NIPAL2: variants seen among roughly 807,000 people sequenced by gnomAD.
NIPAL2 encodes the protein NIPA-like protein 2.
Under a neutral mutation model 48.9 loss-of-function variants are expected in NIPAL2, and 43 were observed. The ratio of observed to expected loss-of-function variants is 0.88; its 90% CI spans 0.69 to 1.13. The LOEUF is 1.13. NIPAL2 is among the 50% of genes most tolerant of loss of function. The pLI is 0.00. For missense variants in NIPAL2, 446 were observed against 461.4 expected, an observed-to-expected ratio of 0.97 and a Z score of 0.31; for synonymous variants, 167 against 174.6, an observed-to-expected ratio of 0.96 and a Z score of 0.34.
At chr8:98,258,302 TATG>T (rs1331743987) in intron 1 of NIPAL2, among the ~76,000 whole-genome samples, 2 of 152,300 alleles carry the variant, frequency 1.3e-5, no homozygotes, top group African/African-American at 4.8e-5. Flanking sequence ...TGGAGGTGGA[TATG>T]ATGACAGCTG....
intron 9 of NIPAL2, chr8:98,195,542 C>G (rs1227590907): frequency 6.2e-6 from 1 of 161,130 alleles, no homozygotes; most frequent in Non-Finnish European, 1.3e-5. Context: ...ATGACTAAAG[C>G]AAGGGATCTG....
chr8:98,283,899 C>T (rs1020156942), intron 1 of NIPAL2, among the ~76,000 whole-genome samples: 5 of 152,206 alleles, frequency 3.3e-5, no homozygotes, highest in African/African-American at 1.2e-4. Flanking sequence ...ACTCACTGAT[C>T]TCTGCCAGAG....
At chr8:98,252,850 C>A (rs951186651) in intron 2 of NIPAL2, among the ~76,000 whole-genome samples, 1 of 151,988 alleles carries the variant, frequency 6.6e-6, no homozygotes, top group East Asian at 1.9e-4. Context: ...AGTTACCCCC[C>A]GATCCACGGA....
At chr8:98,281,589 T>A (rs1815833126) in intron 1 of NIPAL2, among the ~76,000 whole-genome samples, 3 of 152,156 alleles carry the variant, frequency 2.0e-5, no homozygotes. Flanking sequence ...TATCAAGATA[T>A]CTCATGTACC....
intron 3 of NIPAL2, 84 bp downstream of exon 3, chr8:98,252,379 G>T: frequency 7.7e-7 from 1 of 1,299,498 alleles, no homozygotes; most frequent in Non-Finnish European, 1.0e-6. Flanking sequence ...TTCTTCTTTG[G>T]TGCATTTGTT....
intron 8 of NIPAL2, among the ~76,000 whole-genome samples, chr8:98,198,701 C>T (rs376090195): frequency 1.3e-5 from 2 of 152,236 alleles, no homozygotes; most frequent in Non-Finnish European, 2.9e-5. Flanking sequence ...ACCTCATCAA[C>T]CAACCTCTGA....
chr8:98,277,078 C>T (rs1212161331), intron 1 of NIPAL2, among the ~76,000 whole-genome samples: 1 of 152,134 alleles, frequency 6.6e-6, no homozygotes, highest in Admixed American at 6.5e-5. Context: ...CCCATGTTTA[C>T]CCATTTCTTG....
chr8:98,205,065 G>C, intron 7 of NIPAL2, 46 bp downstream of exon 7: 1 of 1,595,520 alleles, frequency 6.3e-7, no homozygotes, highest in South Asian at 1.1e-5. Flanking sequence ...GCCCAGAGAA[G>C]CACCGGAATG....
chr8:98,221,469 A>G (rs1398203085), intron 5 of NIPAL2, among the ~76,000 whole-genome samples: 1 of 152,038 alleles, frequency 6.6e-6, no homozygotes, highest in Non-Finnish European at 1.5e-5. Context: ...TAAATATTTT[A>G]TATTGGTTGA....
chr8:98,203,861 T>C (rs1810912090), intron 7 of NIPAL2, among the ~76,000 whole-genome samples: 1 of 151,872 alleles, frequency 6.6e-6, no homozygotes, highest in South Asian at 2.1e-4. Flanking sequence ...TGTGTGTGTG[T>C]GTGTGTGTGT....
chr8:98,287,669 G>C (rs1446581505), intron 1 of NIPAL2, among the ~76,000 whole-genome samples: 2 of 152,102 alleles, frequency 1.3e-5, no homozygotes, highest in African/African-American at 4.8e-5. Flanking sequence ...CTAACTATTT[G>C]ACATGCATTA....
At chr8:98,285,469 T>C (rs891160359) in intron 1 of NIPAL2, among the ~76,000 whole-genome samples, 1 of 152,126 alleles carries the variant, frequency 6.6e-6, no homozygotes, top group Non-Finnish European at 1.5e-5. Flanking sequence ...GTTTTTTCAC[T>C]AGTGGTTGAG....
intron 1 of NIPAL2, among the ~76,000 whole-genome samples, chr8:98,277,158 C>T (rs1815519170): frequency 6.6e-6 from 1 of 152,204 alleles, no homozygotes; most frequent in Non-Finnish European, 1.5e-5. Flanking sequence ...TGTTCAGCCT[C>T]TTAAAGTGTA....
At chr8:98,220,070 A>G (rs951638634) in intron 5 of NIPAL2, among the ~76,000 whole-genome samples, 2 of 152,124 alleles carry the variant, frequency 1.3e-5, no homozygotes, top group Non-Finnish European at 2.9e-5. Context: ...GAGAAACCTA[A>G]GTATCTTTGT....
intron 1 of NIPAL2, among the ~76,000 whole-genome samples, chr8:98,274,595 T>C (rs1255145240): frequency 2.0e-5 from 3 of 152,030 alleles, no homozygotes; most frequent in Non-Finnish European, 4.4e-5. Flanking sequence ...TTATCTGATA[T>C]TAATATAATA....
In NIPAL2 at chr8:98,284,021, C is replaced by A. The variant is rs1284920772; in HGVS notation, c.135+9982G>T. On this transcript the variant is annotated intron_variant, in intron 1 of 10. Transcript: ENST00000430223. ...CATTGTGACTTGGGCTCTTCACAACCTCTAAAGGGCCAATCCTCACAGCCA... is the reference window on the plus strand; with the variant it reads ...CATTGTGACTTGGGCTCTTCACAACATCTAAAGGGCCAATCCTCACAGCCA... Among the ~76,000 whole-genome samples, 22 of 152,164 alleles carry A rather than the reference C, an allele frequency of 1.4e-4. 1 individual carries two copies. Among genetic ancestry groups the A allele is most frequent in the Non-Finnish European group, 8.8e-5 (6 of 68,030 alleles).
chr8:98,292,978 C>CT (rs536435092), intron 1 of NIPAL2, among the ~76,000 whole-genome samples: 11 of 152,140 alleles, frequency 7.2e-5, no homozygotes, highest in Admixed American at 3.3e-4. Flanking sequence ...AAGCAATACT[C>CT]TCCCCTCTTG....
intron 8 of NIPAL2, among the ~76,000 whole-genome samples, chr8:98,198,017 A>G (rs1410190296): frequency 2.0e-5 from 3 of 152,234 alleles, no homozygotes; most frequent in Non-Finnish European, 4.4e-5. Flanking sequence ...TGCTAAGATC[A>G]ATCGGCAGAA....
At chr8:98,218,556 G>T (rs6468621) in intron 5 of NIPAL2, among the ~76,000 whole-genome samples, 5,659 of 152,210 alleles carry the variant, frequency 0.037, 375 homozygotes, top group African/African-American at 0.13. Flanking sequence ...CACTAGGGTA[G>T]AAATAAGGCC....
Sources: gnomAD v4.1 joint callset for allele counts (sites outside exome capture counted in the v4.1 genomes callset) on GRCh38, gnomAD v4.1.1 for gene constraint, MANE v1.5 for transcripts, NCBI Gene and HGNC (gene_info 2026-07-23, HGNC 2026-07-21) for gene names.